STAG1: variants seen among roughly 807,000 people sequenced by gnomAD.
STAG1 encodes STAG1 cohesin complex component.
Under a neutral mutation model 170.9 loss-of-function variants are expected in STAG1, and 26 were observed. That is an observed-to-expected ratio of 0.15 (90% CI 0.11 to 0.21). STAG1 has a LOEUF of 0.21. Ranked by LOEUF, STAG1 falls within the 10% of genes least tolerant of loss-of-function variation. The probability of loss-of-function intolerance (pLI) is 1.00; values close to 1 mark genes in which losing one functional copy is unlikely to be tolerated. For synonymous variants in STAG1, 514 were observed against 497.7 expected (o/e 1.03, Z -0.44); for missense variants, 964 against 1,509.5 (o/e 0.64, Z 5.99).
At chr3:136,739,060 C>T (rs1411143955) in intron 1 of STAG1, among the ~76,000 whole-genome samples, 1 of 152,050 alleles carries the variant, frequency 6.6e-6, no homozygotes, top group Non-Finnish European at 1.5e-5. Context: ...ATCAAATCTC[C>T]CTAAAATAAA....
intron 7 of STAG1, among the ~76,000 whole-genome samples, chr3:136,515,354 G>A (rs918887840): frequency 6.6e-5 from 10 of 152,124 alleles, no homozygotes; most frequent in African/African-American, 2.4e-4. Context: ...AACACAGTGA[G>A]ACTCCATCTC....
chr3:136,668,407 A>G (rs1559940389), intron 1 of STAG1, among the ~76,000 whole-genome samples: 1 of 146,300 alleles, frequency 6.8e-6, no homozygotes, highest in African/African-American at 2.5e-5. Flanking sequence ...TATTATGTAT[A>G]ATATATATAA....
chr3:136,672,495 T>C (rs1942007015), intron 1 of STAG1, among the ~76,000 whole-genome samples: 1 of 152,162 alleles, frequency 6.6e-6, no homozygotes, highest in Non-Finnish European at 1.5e-5. Context: ...TATATGTAGT[T>C]TAGAGAGAGA....
chr3:136,343,522 G>A lies in STAG1; in HGVS notation c.3446+310C>T, dbSNP rs568754727. On this transcript the variant is annotated intron_variant, in intron 30 of 33. Transcript: ENST00000383202. Reference sequence around the variant, plus strand: ...GGCTCTTACAGGTTTTCTTGCCTAGGAAGTAACCTGCATTTCTTGGTAAGT... The same window carrying A: ...GGCTCTTACAGGTTTTCTTGCCTAGAAAGTAACCTGCATTTCTTGGTAAGT... 5.9e-5 allele frequency among the ~76,000 whole-genome samples: 9 copies of A among 152,296 alleles called. No homozygotes were observed. In the East Asian group the frequency reaches 1.7e-3, roughly 29 times the overall value.
At chr3:136,733,453 G>A (rs1042458969) in intron 1 of STAG1, among the ~76,000 whole-genome samples, 1 of 152,118 alleles carries the variant, frequency 6.6e-6, no homozygotes, top group Non-Finnish European at 1.5e-5. Flanking sequence ...TATTTGCACT[G>A]TTGTGCAGCC....
At chr3:136,579,012 T>TG (rs1937537650) in intron 4 of STAG1, among the ~76,000 whole-genome samples, 1 of 152,234 alleles carries the variant, frequency 6.6e-6, no homozygotes, top group African/African-American at 2.4e-5. Flanking sequence ...TTGCAGAGTT[T>TG]AATCAAAGAC....
chr3:136,578,613 A>G (rs1937528181), intron 4 of STAG1, among the ~76,000 whole-genome samples: 1 of 152,250 alleles, frequency 6.6e-6, no homozygotes, highest in South Asian at 2.1e-4. Flanking sequence ...AATTAGAGAT[A>G]CTGTGCATTG....
chr3:136,430,962 G>A (rs2088286214), intron 16 of STAG1, among the ~76,000 whole-genome samples: 7 of 151,606 alleles, frequency 4.6e-5, no homozygotes, highest in Admixed American at 3.9e-4. Flanking sequence ...AGAGTGCAGT[G>A]GGGTGATCTC....
intron 1 of STAG1, among the ~76,000 whole-genome samples, chr3:136,647,915 G>GTAT (rs1352028013): frequency 6.6e-6 from 1 of 152,082 alleles, no homozygotes; most frequent in African/African-American, 2.4e-5. Flanking sequence ...TCACTACAAA[G>GTAT]TATTGTATGA....
chr3:136,690,637 T>C (rs1049316970), intron 1 of STAG1, among the ~76,000 whole-genome samples: 4 of 151,966 alleles, frequency 2.6e-5, no homozygotes, highest in Non-Finnish European at 5.9e-5. Context: ...ATCATTAAGG[T>C]GGAGGGGTGT....
At chr3:136,734,481 A>G (rs1386825552) in intron 1 of STAG1, among the ~76,000 whole-genome samples, 2 of 152,214 alleles carry the variant, frequency 1.3e-5, no homozygotes, top group Admixed American at 1.3e-4. Flanking sequence ...ATATTTAACT[A>G]TTCATGTTAT....
intron 1 of STAG1, among the ~76,000 whole-genome samples, chr3:136,632,030 T>A (rs1940351468): frequency 6.6e-6 from 1 of 152,026 alleles, no homozygotes; most frequent in Non-Finnish European, 1.5e-5. Flanking sequence ...GATACATACA[T>A]ACAGAAAGAC....
intron 1 of STAG1, among the ~76,000 whole-genome samples, chr3:136,724,096 G>C (rs1933509441): frequency 6.6e-6 from 1 of 152,014 alleles, no homozygotes; most frequent in Admixed American, 6.5e-5. Context: ...CCCCGTCTGG[G>C]AGGTGTACCC....
rs1420990989 is a variant in STAG1 at position 136,500,360 on chromosome 3, A to G, written c.829-64T>C. ...ATTTTATTTGGAAGGAACAGCTCCA[A>G]TTGTTTTTAATTCCTGGTTATTTTC... On this transcript the variant is annotated intron_variant, in intron 8 of 33. Transcript: ENST00000383202. 41 of 1,075,878 alleles carry G rather than the reference A, an allele frequency of 3.8e-5. No homozygotes were observed. In the East Asian group the frequency reaches 4.1e-4, roughly 11 times the overall value. 66.6% of individuals were successfully genotyped at this position (1,075,878 alleles called of 1,614,324 possible).
chr3:136,622,135 T>TAAAAAAA (rs75542452), intron 3 of STAG1, among the ~76,000 whole-genome samples: 4 of 92,810 alleles, frequency 4.3e-5, no homozygotes, highest in African/African-American at 9.3e-5. Context: ...CCATCTCTAC[T>TAAAAAAA]AAAAAAAAAA....
At chr3:136,612,056 C>G (rs933171619) in intron 3 of STAG1, among the ~76,000 whole-genome samples, 11 of 151,880 alleles carry the variant, frequency 7.2e-5, no homozygotes, top group African/African-American at 2.2e-4. Context: ...ACTGTGTTAC[C>G]CAGGATGGTC....
chr3:136,676,058 G>A (rs373836376), intron 1 of STAG1, among the ~76,000 whole-genome samples: 2 of 152,180 alleles, frequency 1.3e-5, no homozygotes, highest in East Asian at 3.8e-4. Context: ...GAACACTGCA[G>A]GCAACTGCAA....
At chr3:136,444,112 C>A (rs953028839) in intron 14 of STAG1, among the ~76,000 whole-genome samples, 6 of 151,338 alleles carry the variant, frequency 4.0e-5, no homozygotes, top group African/African-American at 1.5e-4. Context: ...CTTGCTCTAT[C>A]GCCCAAGCTG....
chr3:136,595,513 A>C (rs1287281633), intron 4 of STAG1, among the ~76,000 whole-genome samples: 1 of 151,752 alleles, frequency 6.6e-6, no homozygotes, highest in African/African-American at 2.4e-5. Context: ...CTAACACGGT[A>C]AAACCCTGTC....
Sources: allele counts gnomAD v4.1 joint callset (sites outside exome capture counted in the v4.1 genomes callset), GRCh38; gene constraint gnomAD v4.1.1; transcripts MANE v1.5; gene names NCBI Gene and HGNC (gene_info 2026-07-23, HGNC 2026-07-21).